Variants in SPIDR observed in about 807,000 individuals in gnomAD.
SPIDR encodes the protein DNA repair-scaffolding protein.
SPIDR carries 93 observed loss-of-function variants against 104.6 expected under a neutral mutation model. The ratio of observed to expected loss-of-function variants is 0.89; its 90% CI spans 0.75 to 1.06. The LOEUF (loss-of-function observed/expected upper bound fraction) is 1.06, where lower values mean the gene tolerates loss of function less well. SPIDR is among the 50% of genes least tolerant of loss of function. SPIDR has a pLI of 0.00. For missense variants in SPIDR, 1,154 were observed against 1,111.2 expected, an observed-to-expected ratio of 1.04 and a Z score of -0.55; for synonymous variants, 431 against 416.9, an observed-to-expected ratio of 1.03 and a Z score of -0.41.
At chr8:47,542,170 CTTT>C (rs56074927) in intron 8 of SPIDR, among the ~76,000 whole-genome samples, 2 of 139,392 alleles carry the variant, frequency 1.4e-5, no homozygotes, top group Non-Finnish European at 1.6e-5. Flanking sequence ...CTGTCATTTT[CTTT>C]TTTTTTTTTT....
At chr8:47,589,911 T>C (rs981065747) in intron 8 of SPIDR, among the ~76,000 whole-genome samples, 1 of 152,158 alleles carries the variant, frequency 6.6e-6, no homozygotes, top group African/African-American at 2.4e-5. Context: ...CTCACCCCTG[T>C]AATCCCAGCA....
chr8:47,628,868 T>C (rs1186566758), intron 10 of SPIDR, among the ~76,000 whole-genome samples: 1 of 152,212 alleles, frequency 6.6e-6, no homozygotes, highest in African/African-American at 2.4e-5. Context: ...TAAACCAACT[T>C]AGCCAATATT....
At chr8:47,321,563 A>G (rs920944806) in intron 5 of SPIDR, among the ~76,000 whole-genome samples, 10 of 152,186 alleles carry the variant, frequency 6.6e-5, no homozygotes, top group Non-Finnish European at 1.3e-4. Context: ...CAAGCTACCA[A>G]TGACTTTCTG....
intron 3 of SPIDR, among the ~76,000 whole-genome samples, chr8:47,289,951 A>G (rs1423478937): frequency 6.6e-6 from 1 of 152,204 alleles, no homozygotes; most frequent in African/African-American, 2.4e-5. Flanking sequence ...ATGTTGATAC[A>G]CACAACTTAG....
intron 8 of SPIDR, among the ~76,000 whole-genome samples, chr8:47,589,985 T>A (rs919747364): frequency 6.6e-6 from 1 of 152,000 alleles, no homozygotes; most frequent in African/African-American, 2.4e-5. Flanking sequence ...CTGACCAACA[T>A]GGTGAATGAA....
chr8:47,296,548 C>A (rs1041718428), intron 5 of SPIDR, among the ~76,000 whole-genome samples: 1 of 152,166 alleles, frequency 6.6e-6, no homozygotes, highest in Non-Finnish European at 1.5e-5. Flanking sequence ...ATTCTTGGCA[C>A]GTTTGTTGTA....
chr8:47,618,539 A>G (rs1260701982), intron 10 of SPIDR, among the ~76,000 whole-genome samples: 1 of 152,162 alleles, frequency 6.6e-6, no homozygotes, highest in Non-Finnish European at 1.5e-5. Flanking sequence ...ATGTCAGTGC[A>G]TATTATACAC....
chr8:47,461,787 C>T (rs1014679983), intron 8 of SPIDR, among the ~76,000 whole-genome samples: 2 of 151,718 alleles, frequency 1.3e-5, no homozygotes, highest in African/African-American at 4.8e-5. Context: ...TTAATTTATG[C>T]TATTTCACTG....
At chr8:47,696,114 C>T (rs1437957473) in intron 11 of SPIDR, among the ~76,000 whole-genome samples, 1 of 152,232 alleles carries the variant, frequency 6.6e-6, no homozygotes, top group Non-Finnish European at 1.5e-5. Context: ...CATTTCCATG[C>T]ACCTTTCTTG....
chr8:47,511,149 C>T (rs563970224), intron 8 of SPIDR: 3 of 1,552,866 alleles, frequency 1.9e-6, no homozygotes, highest in African/African-American at 2.7e-5. Context: ...TGGTGGCAGC[C>T]ATGGCTGGCC....
chr8:47,386,904 GATATAGATAT>G (rs68026019), intron 5 of SPIDR, among the ~76,000 whole-genome samples: 46,250 of 126,672 alleles, frequency 0.37, 8,860 homozygotes, highest in Admixed American at 0.46. Flanking sequence ...GAGAGAGAGA[GATATAGATAT>G]AGATATAGAT....
In SPIDR at chr8:47,735,675, CAT is replaced by C. The variant is rs1203440953; in HGVS notation, c.*228_*229del. 2 of 951,538 alleles carry C rather than the reference CAT, an allele frequency of 2.1e-6. No individual in the cohort carries two copies. Among genetic ancestry groups the C allele is most frequent in the Middle Eastern group, 3.4e-4 (1 of 2,928 alleles). 58.9% of individuals were successfully genotyped at this position (951,538 alleles called of 1,614,324 possible). On this transcript the variant is annotated 3_prime_UTR_variant, in exon 20 of 20. Coordinates refer to ENST00000297423, the MANE Select transcript of SPIDR (RefSeq NM_001080394.4). Reference sequence around the variant, plus strand: ...CTTTTATTTTCTGCAAATTTAGGAACATATTTACTCGTTTTCACATTGAATCT... The same window carrying C: ...CTTTTATTTTCTGCAAATTTAGGAACATTTACTCGTTTTCACATTGAATCT...
intron 11 of SPIDR, among the ~76,000 whole-genome samples, chr8:47,694,693 C>G (rs1466200806): frequency 6.6e-6 from 1 of 151,976 alleles, no homozygotes. Context: ...ATTGCTTGAG[C>G]CTAGGAGGTC....
chr8:47,329,724 G>A (rs1554603308), intron 5 of SPIDR, among the ~76,000 whole-genome samples: 1 of 152,072 alleles, frequency 6.6e-6, no homozygotes, highest in East Asian at 1.9e-4. Flanking sequence ...TTTTATAGAA[G>A]GGAAAAGAAA....
intron 16 of SPIDR, among the ~76,000 whole-genome samples, chr8:47,720,902 C>G (rs373807705): frequency 6.6e-6 from 1 of 152,006 alleles, no homozygotes; most frequent in Non-Finnish European, 1.5e-5. Flanking sequence ...GGATTACAGG[C>G]GCCTGCCACC....
chr8:47,343,275 A>G (rs1425138476), intron 5 of SPIDR, among the ~76,000 whole-genome samples: 2 of 152,184 alleles, frequency 1.3e-5, no homozygotes, highest in African/African-American at 4.8e-5. Flanking sequence ...AGGTATCTGA[A>G]AGCTGGACTT....
At chr8:47,551,498 G>A (rs946956467) in intron 8 of SPIDR, among the ~76,000 whole-genome samples, 1 of 152,096 alleles carries the variant, frequency 6.6e-6, no homozygotes, top group African/African-American at 2.4e-5. Flanking sequence ...TTTAGTCTTG[G>A]GAGGGTGTAT....
chr8:47,369,407 C>G (rs2057693930), intron 5 of SPIDR, among the ~76,000 whole-genome samples: 1 of 152,186 alleles, frequency 6.6e-6, no homozygotes, highest in Non-Finnish European at 1.5e-5. Context: ...CAAGTAGTTT[C>G]TTCAATATTT....
intron 11 of SPIDR, among the ~76,000 whole-genome samples, chr8:47,685,715 C>A (rs2077720090): frequency 6.6e-6 from 1 of 151,716 alleles, no homozygotes; most frequent in South Asian, 2.1e-4. Flanking sequence ...CCACCATGCC[C>A]AGCTAATTTT....
Sources: allele counts gnomAD v4.1 joint callset (sites outside exome capture counted in the v4.1 genomes callset), GRCh38; gene constraint gnomAD v4.1.1; transcripts MANE v1.5; gene names NCBI Gene and HGNC (gene_info 2026-07-23, HGNC 2026-07-21).